Variants in PREX2 observed in about 807,000 individuals in gnomAD.
The protein encoded by PREX2 is phosphatidylinositol 3,4,5-trisphosphate-dependent Rac exchanger 2 protein.
Under a neutral mutation model 203.2 loss-of-function variants are expected in PREX2, and 107 were observed. The ratio of observed to expected loss-of-function variants is 0.53; its 90% CI spans 0.45 to 0.62. PREX2 has a LOEUF of 0.62. Among genes scored for constraint, PREX2 ranks in the 20% least tolerant of loss-of-function variants. The probability of loss-of-function intolerance (pLI) is 0.00; values close to 1 mark genes in which losing one functional copy is unlikely to be tolerated. For synonymous variants in PREX2, 672 were observed against 663.6 expected (o/e 1.01, Z -0.19); for missense variants, 1,777 against 1,955.9 (o/e 0.91, Z 1.72).
chr8:68,018,236 G>A (rs987288223), intron 2 of PREX2, among the ~76,000 whole-genome samples: 54 of 152,134 alleles, frequency 3.5e-4, no homozygotes, highest in African/African-American at 1.3e-3. Context: ...GGGAGGCCGA[G>A]GTGGGAGGAT....
rs527740820 is a variant in PREX2, at chr8:67,969,407, A to G, written c.141+16872A>G. On this transcript the variant is annotated intron_variant, in intron 1 of 39. Coordinates refer to ENST00000288368, the MANE Select transcript of PREX2 (RefSeq NM_024870.4). ...CTCATCACCCCCTGTATCTTTTCTC[A>G]TGCAGGAGCCTCTGGCACTGACTGT... Among the ~76,000 whole-genome samples the G allele has an allele frequency of 8.5e-5, 13 of 152,144 alleles. No homozygotes were observed. The East Asian group carries it at 9.7e-4, about 11-fold the overall frequency.
intron 1 of PREX2, among the ~76,000 whole-genome samples, chr8:68,001,850 C>G (rs1239943051): frequency 1.3e-5 from 2 of 152,092 alleles, no homozygotes; most frequent in Non-Finnish European, 2.9e-5. Context: ...AACAGAAAAC[C>G]AAATACCGCA....
At chr8:68,113,667 G>T (rs1007142551) in intron 25 of PREX2, among the ~76,000 whole-genome samples, 2 of 152,058 alleles carry the variant, frequency 1.3e-5, no homozygotes, top group South Asian at 2.1e-4. Context: ...ATCTCACCTC[G>T]CTGTGAGACC....
Position 68,038,191 on chromosome 8 carries a change from G to A in PREX2, c.738G>A (p.Met246Ile). The change falls in exon 7 of 40, where the codon ATG becomes ATA. Residue 246 changes from methionine to isoleucine, a missense_variant. Met to Ile is a conservative substitution (Grantham distance 10, BLOSUM62 1). Transcript: ENST00000288368. The stretch of plus-strand genomic sequence containing the variant: ...ACATCACTGACACCTGCACTGAAAT[G>A]CTAATGTGTGGAGTCTTACTGAAAA... Reference protein sequence around the residue: ...GSNITDTCTEMLMCGVLLKIS... With the variant: ...GSNITDTCTEILMCGVLLKIS... 6.2e-7 allele frequency: 1 copy of A among 1,613,842 alleles called. No homozygotes were observed. Among genetic ancestry groups the A allele is most frequent in the Non-Finnish European group, 8.5e-7 (1 of 1,179,788 alleles).
chr8:68,001,013 G>A (rs1040008757), intron 1 of PREX2, among the ~76,000 whole-genome samples: 1 of 152,106 alleles, frequency 6.6e-6, no homozygotes, highest in Non-Finnish European at 1.5e-5. Context: ...GACAACCTAG[G>A]CAATACCATT....
At chr8:68,096,872 A>G (rs1810093952) in intron 21 of PREX2, 145 bp from the exon 22 acceptor site, 1 of 673,890 alleles carries the variant, frequency 1.5e-6, no homozygotes, top group African/African-American at 1.8e-5. Context: ...TAAAATGTTA[A>G]CAAGAATAGA....
chr8:68,198,746 G>A (rs1317255616), intron 37 of PREX2, among the ~76,000 whole-genome samples: 1 of 152,140 alleles, frequency 6.6e-6, no homozygotes, highest in Non-Finnish European at 1.5e-5. Context: ...AAAGAATAAA[G>A]GATATGTGTA....
In PREX2 at chr8:68,099,860, T is replaced by C; in HGVS notation, c.2715+17T>C. The stretch of plus-strand genomic sequence containing the variant: ...TATAAAAAGGTAAGTGTTCTATTGA[T>C]TTTATACACAATTATTGTTGAAATT... On this transcript the variant is annotated intron_variant, in intron 23 of 39. Coordinates refer to ENST00000288368, the MANE Select transcript of PREX2 (RefSeq NM_024870.4). The C allele has an allele frequency of 6.4e-7, 1 of 1,559,822 alleles. No individual in the cohort carries two copies. The highest frequency in any genetic ancestry group is 2.2e-5 in the East Asian group (1 of 44,602).
chr8:68,204,678 C>CTTTTTTTTTTTTTTTTTTTTT (rs1192583427), intron 37 of PREX2, among the ~76,000 whole-genome samples: 6 of 83,426 alleles, frequency 7.2e-5, no homozygotes, highest in African/African-American at 2.5e-4. Flanking sequence ...TTTCTTCTTT[C>CTTTTTTTTTTTTTTTTTTTTT]TTTTTTTTTT....
rs1325962136 is a variant in PREX2, at chr8:68,060,713, A to T, written c.1273A>T (p.Ile425Phe). 6.2e-7 allele frequency: 1 copy of T among 1,612,950 alleles called. No homozygotes were observed. Among genetic ancestry groups the T allele is most frequent in the South Asian group, 1.1e-5 (1 of 90,678 alleles). Residue 425 changes from isoleucine to phenylalanine, a missense_variant, in exon 11 of 40, where the codon ATT (isoleucine) becomes TTT (phenylalanine). Physicochemically the swap from Ile to Phe is conservative, Grantham distance 21. Coordinates refer to ENST00000288368, the MANE Select transcript of PREX2 (RefSeq NM_024870.4). ...GTCATGGCTGTTGGAAATTGGAGAGATTCACAGGCCTGAGGAAGGCGTGCA... is the reference window on the plus strand; with the variant it reads ...GTCATGGCTGTTGGAAATTGGAGAGTTTCACAGGCCTGAGGAAGGCGTGCA... ...FVSWLLEIGEIHRPEEGVHLG... is the reference protein window; with the variant it reads ...FVSWLLEIGEFHRPEEGVHLG...
At chr8:68,189,576 T>A (rs1812255051) in intron 35 of PREX2, among the ~76,000 whole-genome samples, 1 of 152,214 alleles carries the variant, frequency 6.6e-6, no homozygotes, top group Admixed American at 6.5e-5. Context: ...CCTCAGTCTT[T>A]TATTTTGCTC....
chr8:68,067,644 A>G (rs1003449294), intron 11 of PREX2, among the ~76,000 whole-genome samples: 4 of 152,004 alleles, frequency 2.6e-5, no homozygotes, highest in African/African-American at 7.2e-5. Flanking sequence ...ATGGTTTTCT[A>G]TATATAAGTT....
At chr8:68,132,915 G>A (rs549512375) in intron 31 of PREX2, among the ~76,000 whole-genome samples, 130 of 152,212 alleles carry the variant, frequency 8.5e-4, no homozygotes, top group Middle Eastern at 3.4e-3. Flanking sequence ...GCTTCTTTCC[G>A]TTTGAAAAAT....
intron 39 of PREX2, among the ~76,000 whole-genome samples, chr8:68,230,115 G>A (rs1377679366): frequency 6.6e-6 from 1 of 152,144 alleles, no homozygotes; most frequent in East Asian, 1.9e-4. Flanking sequence ...TCTTCTACGT[G>A]TTCTCATACT....
intron 31 of PREX2, 131 bp from the exon 32 acceptor site, chr8:68,133,928 C>G (rs1811057380): frequency 1.4e-6 from 1 of 701,818 alleles, no homozygotes; most frequent in Admixed American, 2.7e-5. Context: ...TTATAGAGCT[C>G]AAATTCACAT....
At chr8:68,029,684 A>G (rs1201865959) in intron 5 of PREX2, among the ~76,000 whole-genome samples, 4 of 152,198 alleles carry the variant, frequency 2.6e-5, no homozygotes, top group Non-Finnish European at 4.4e-5. Flanking sequence ...GTAAGGAAAC[A>G]CATGACTAAT....
intron 23 of PREX2, among the ~76,000 whole-genome samples, chr8:68,103,271 C>A (rs1810315246): frequency 6.6e-6 from 1 of 152,042 alleles, no homozygotes; most frequent in Non-Finnish European, 1.5e-5. Flanking sequence ...GGGTACAATA[C>A]AAAACTTCTA....
intron 35 of PREX2, among the ~76,000 whole-genome samples, chr8:68,189,593 T>C (rs1812255379): frequency 6.6e-6 from 1 of 152,368 alleles, no homozygotes; most frequent in Middle Eastern, 3.4e-3. Flanking sequence ...GCTCTTGATC[T>C]AGTGCTTTTA....
At chr8:68,025,237 C>T (rs1027249806) in intron 4 of PREX2, among the ~76,000 whole-genome samples, 3 of 150,982 alleles carry the variant, frequency 2.0e-5, no homozygotes, top group Non-Finnish European at 4.4e-5. Flanking sequence ...TTTATTTTGC[C>T]TTCATTTTTG....
Sources: allele counts gnomAD v4.1 joint callset (sites outside exome capture counted in the v4.1 genomes callset), GRCh38; gene constraint gnomAD v4.1.1; transcripts MANE v1.5; gene names NCBI Gene and HGNC (gene_info 2026-07-23, HGNC 2026-07-21).